Variants in DCDC1 observed in about 807,000 individuals in gnomAD.
DCDC1 encodes the protein doublecortin domain-containing protein 1.
In DCDC1, 200 loss-of-function variants were observed where a neutral mutation model predicts 178.3. That is an observed-to-expected ratio of 1.12 (90% CI 1.00 to 1.26). The LOEUF is 1.26. Ranked by LOEUF, DCDC1 falls within the 50% of genes most tolerant of loss-of-function variation. The pLI is 0.00. For synonymous variants in DCDC1, 690 were observed against 604.8 expected, an observed-to-expected ratio of 1.14 and a Z score of -2.07; for missense variants, 1,983 against 1,749.2, an observed-to-expected ratio of 1.13 and a Z score of -2.38.
chr11:30,871,412 T>C (rs574245549), intron 38 of DCDC1, among the ~76,000 whole-genome samples: 47 of 152,240 alleles, frequency 3.1e-4, no homozygotes, highest in African/African-American at 1.1e-3. Flanking sequence ...CTCTCTTCCT[T>C]GTTAATCCTC....
chr11:31,052,404 G>A (rs997818488), intron 20 of DCDC1, among the ~76,000 whole-genome samples: 3 of 152,108 alleles, frequency 2.0e-5, no homozygotes, highest in Non-Finnish European at 4.4e-5. Context: ...CAATAATAGT[G>A]GGGGGCTTCA....
chr11:30,887,462 T>G (rs567370891), intron 36 of DCDC1, among the ~76,000 whole-genome samples: 22 of 152,310 alleles, frequency 1.4e-4, no homozygotes, highest in African/African-American at 5.1e-4. Context: ...GTGAGATGTA[T>G]GTAGCCTAAC....
At chr11:31,310,308 ATTTTT>A (rs11407483) in intron 3 of DCDC1, among the ~76,000 whole-genome samples, 1 of 53,864 alleles carries the variant, frequency 1.9e-5, no homozygotes, top group Non-Finnish European at 3.2e-5. Context: ...GTAATTCTTG[ATTTTT>A]TTTTTTTTTT....
intron 21 of DCDC1, among the ~76,000 whole-genome samples, chr11:30,935,435 G>T (rs1308913176): frequency 2.0e-5 from 3 of 152,162 alleles, no homozygotes; most frequent in Non-Finnish European, 4.4e-5. Flanking sequence ...TTACTAACCT[G>T]ATTGGGTAGG....
At chr11:31,250,415 C>CACACACATAT (rs1223526182) in intron 8 of DCDC1, among the ~76,000 whole-genome samples, 4 of 73,726 alleles carry the variant, frequency 5.4e-5, no homozygotes, top group African/African-American at 2.1e-4. Flanking sequence ...CACACACACA[C>CACACACATAT]ATATACATAT....
At chr11:30,888,241 C>A (rs1049583851) in intron 36 of DCDC1, among the ~76,000 whole-genome samples, 4 of 152,000 alleles carry the variant, frequency 2.6e-5, no homozygotes, top group Non-Finnish European at 5.9e-5. Flanking sequence ...AATTACAGGC[C>A]TACCTACGCA....
intron 21 of DCDC1, among the ~76,000 whole-genome samples, chr11:30,948,369 G>T (rs1948192177): frequency 6.6e-6 from 1 of 152,052 alleles, no homozygotes; most frequent in Non-Finnish European, 1.5e-5. Flanking sequence ...ACAAACAAAT[G>T]GAAAAACATT....
intron 8 of DCDC1, among the ~76,000 whole-genome samples, chr11:31,253,656 T>C (rs1206825096): frequency 6.6e-6 from 1 of 152,174 alleles, no homozygotes; most frequent in Admixed American, 6.5e-5. Flanking sequence ...ACCTGCCTTG[T>C]AGAAGACTCA....
intron 9 of DCDC1, among the ~76,000 whole-genome samples, chr11:31,237,823 G>A (rs2183484): frequency 0.3 from 45,052 of 151,796 alleles, 8,121 homozygotes; most frequent in East Asian, 0.63. Flanking sequence ...ATTTTATTCC[G>A]AAGTGCTAAA....
chr11:31,213,052 T>C (rs967664864), intron 9 of DCDC1, among the ~76,000 whole-genome samples: 5 of 149,110 alleles, frequency 3.4e-5, no homozygotes, highest in Admixed American at 2.0e-4. Context: ...GATCCAGACA[T>C]AGACATGTGC....
At chr11:31,115,981 T>TGGGGGGGGGGGGGGGGGGG (rs548179744) in intron 11 of DCDC1, among the ~76,000 whole-genome samples, 2 of 38,092 alleles carry the variant, frequency 5.3e-5, no homozygotes, top group Non-Finnish European at 7.4e-5. Context: ...GCTGTGGCAG[T>TGGGGGGGGGGGGGGGGGGG]GGGGGGGGGG....
chr11:30,906,830 A>C, intron 29 of DCDC1, 105 bp from the exon 30 acceptor site: 20 of 976,828 alleles, frequency 2.0e-5, no homozygotes, highest in Non-Finnish European at 2.5e-5. Context: ...ACACCCCAAA[A>C]TGCTAAATTT....
chr11:30,915,751 CCATGCACTTGAT>C lies in DCDC1; in HGVS notation c.3453-52_3453-41del, dbSNP rs1339609083. The C allele has an allele frequency of 3.8e-6, 6 of 1,574,080 alleles. No homozygotes were observed. The East Asian group carries it at 6.9e-5, about 18-fold the overall frequency. On this transcript the variant is annotated intron_variant, in intron 26 of 38. Coordinates refer to ENST00000684477, the MANE Select transcript of DCDC1 (RefSeq NM_001387274.1). ...TCTCTATTAGTGGCAGAAAAATGTC[CCATGCACTTGAT>C]CATGCACTTGATGTGCTGGAGATTA...
intron 9 of DCDC1, among the ~76,000 whole-genome samples, chr11:31,189,817 C>A (rs762912922): frequency 7.2e-5 from 11 of 152,174 alleles, no homozygotes; most frequent in Non-Finnish European, 1.6e-4. Context: ...CCAGGATAGC[C>A]TCCTCATTTC....
intron 9 of DCDC1, among the ~76,000 whole-genome samples, chr11:31,178,882 G>C (rs753494026): frequency 1.3e-5 from 2 of 151,952 alleles, no homozygotes; most frequent in Non-Finnish European, 2.9e-5. Context: ...TAGTAGAGAC[G>C]TGGTTACACC....
chr11:31,029,110 T>C (rs1363942792), intron 20 of DCDC1, among the ~76,000 whole-genome samples: 1 of 152,102 alleles, frequency 6.6e-6, no homozygotes, highest in Non-Finnish European at 1.5e-5. Context: ...TTCCATTTCC[T>C]ACTCTCCTGC....
At chr11:31,231,830 A>C (rs1016009058) in intron 9 of DCDC1, among the ~76,000 whole-genome samples, 1 of 152,226 alleles carries the variant, frequency 6.6e-6, no homozygotes, top group African/African-American at 2.4e-5. Flanking sequence ...TCCCACCACC[A>C]TGTGTGAAAG....
intron 20 of DCDC1, among the ~76,000 whole-genome samples, chr11:31,031,748 A>C (rs941017728): frequency 2.6e-5 from 4 of 152,178 alleles, no homozygotes; most frequent in Non-Finnish European, 5.9e-5. Context: ...GAAATGAAAA[A>C]GAAATTTTCT....
intron 1 of DCDC1, among the ~76,000 whole-genome samples, chr11:31,346,286 C>G (rs1170593572): frequency 6.6e-6 from 1 of 151,542 alleles, no homozygotes; most frequent in Non-Finnish European, 1.5e-5. Context: ...ATGGTGAAAC[C>G]CTGTCTCTAC....
Sources: gnomAD v4.1 joint callset for allele counts (sites outside exome capture counted in the v4.1 genomes callset) on GRCh38, gnomAD v4.1.1 for gene constraint, MANE v1.5 for transcripts, NCBI Gene and HGNC (gene_info 2026-07-23, HGNC 2026-07-21) for gene names.